SUSD1: variants seen among roughly 807,000 people sequenced by gnomAD.
The protein encoded by SUSD1 is sushi domain-containing protein 1.
In SUSD1, 65 loss-of-function variants were observed where a neutral mutation model predicts 86.9. The ratio of observed to expected loss-of-function variants is 0.75; its 90% CI spans 0.61 to 0.92. The LOEUF is 0.92. SUSD1 is among the 40% of genes least tolerant of loss of function. The pLI, the probability that SUSD1 is intolerant of heterozygous loss-of-function variation, is 0.00. For synonymous variants in SUSD1, 346 were observed against 350.0 expected (o/e 0.99, Z 0.13); for missense variants, 850 against 929.7 (o/e 0.91, Z 1.11).
At chr9:112,142,299 C>G (rs548755453) in intron 5 of SUSD1, 21 bp downstream of exon 5, 2 of 1,529,056 alleles carry the variant, frequency 1.3e-6, no homozygotes, top group African/African-American at 1.4e-5. Context: ...AATTGGGAAC[C>G]TGTATTTTTT....
At chr9:112,104,415 A>C (rs1589661010) in intron 8 of SUSD1, among the ~76,000 whole-genome samples, 1 of 152,158 alleles carries the variant, frequency 6.6e-6, no homozygotes, top group East Asian at 1.9e-4. Context: ...AGTAATAATA[A>C]TAATAATAGT....
chr9:112,154,101 C>G (rs534716901), intron 2 of SUSD1, among the ~76,000 whole-genome samples: 2 of 152,136 alleles, frequency 1.3e-5, no homozygotes, highest in South Asian at 4.2e-4. Context: ...GTTGTATATT[C>G]GGTCTATCAT....
At chr9:112,152,428 G>T (rs183929320) in intron 2 of SUSD1, among the ~76,000 whole-genome samples, 1 of 151,374 alleles carries the variant, frequency 6.6e-6, no homozygotes, top group Non-Finnish European at 1.5e-5. Flanking sequence ...TGGAGACAGG[G>T]TCTTGCTCTG....
chr9:112,053,598 C>T (rs1828321395), intron 14 of SUSD1, among the ~76,000 whole-genome samples: 1 of 149,922 alleles, frequency 6.7e-6, no homozygotes, highest in African/African-American at 2.5e-5. Flanking sequence ...TGCTTTGATG[C>T]TAAGTGCAGA....
intron 15 of SUSD1, among the ~76,000 whole-genome samples, chr9:112,045,508 T>TTGTTGAAGTCTATAAAATTC (rs11269147): frequency 6.6e-6 from 1 of 152,054 alleles, no homozygotes; most frequent in East Asian, 1.9e-4. Flanking sequence ...ACATTATTGT[T>TTGTTGAAGTCTATAAAATTC]ATTATGCGTG....
At chr9:112,074,371 C>T (rs941269338) in intron 12 of SUSD1, among the ~76,000 whole-genome samples, 1 of 152,118 alleles carries the variant, frequency 6.6e-6, no homozygotes, top group African/African-American at 2.4e-5. Context: ...TTCAATGTGC[C>T]GTCTGCAGCC....
intron 7 of SUSD1, 149 bp from the exon 8 acceptor site, chr9:112,111,989 A>C: frequency 4.1e-6 from 3 of 738,240 alleles, no homozygotes; most frequent in Non-Finnish European, 6.5e-6. Context: ...GTCTGCTGAT[A>C]AAGTCTGATC....
intron 9 of SUSD1, among the ~76,000 whole-genome samples, chr9:112,100,386 C>T (rs1470548637): frequency 1.3e-5 from 2 of 151,812 alleles, no homozygotes; most frequent in Non-Finnish European, 2.9e-5. Flanking sequence ...TGGGGTTTCA[C>T]CGTGTTAGCC....
At chr9:112,094,165 T>C (rs116103573) in intron 10 of SUSD1, among the ~76,000 whole-genome samples, 596 of 152,228 alleles carry the variant, frequency 3.9e-3, no homozygotes, top group African/African-American at 0.013. Flanking sequence ...TTTCATAAGC[T>C]CTCCAGGTAA....
At chr9:112,133,050 T>C (rs1183766380) in intron 5 of SUSD1, among the ~76,000 whole-genome samples, 1 of 152,192 alleles carries the variant, frequency 6.6e-6, no homozygotes, top group Non-Finnish European at 1.5e-5. Flanking sequence ...GGCCAAGGCA[T>C]GAGGATCACT....
At position 112,092,456 on chromosome 9, in the gene SUSD1, G is replaced by A. The variant is rs183362316; in HGVS notation, c.1474+6014C>T. On this transcript the variant is annotated intron_variant, in intron 10 of 16. Coordinates refer to ENST00000374270, the MANE Select transcript of SUSD1 (RefSeq NM_022486.5). ...TTGTGCTTCTGAAAAACACTGCTTC[G>A]TTGTAACATTATGGACAATGCAATG... 5.9e-5 allele frequency among the ~76,000 whole-genome samples: 9 copies of A among 152,320 alleles called. No homozygotes were observed. The East Asian group carries it at 1.2e-3, about 20-fold the overall frequency.
At chr9:112,139,993 A>C (rs1832486653) in intron 5 of SUSD1, among the ~76,000 whole-genome samples, 1 of 152,194 alleles carries the variant, frequency 6.6e-6, no homozygotes, top group Non-Finnish European at 1.5e-5. Flanking sequence ...TGGGAGGCAG[A>C]GACAGGCAGA....
Position 112,041,271 on chromosome 9 carries a change from A to G in SUSD1, c.*221T>C. On this transcript the variant is annotated 3_prime_UTR_variant, in exon 17 of 17. Transcript: ENST00000374270. ...CATTGCACAGAACTGGTCCTGTAGC[A>G]GGGAAGACTCAGAATTCCTGAGTTT... 1 of 617,414 alleles carries G rather than the reference A, an allele frequency of 1.6e-6. No homozygotes were observed. Among genetic ancestry groups the G allele is most frequent in the Non-Finnish European group, 2.9e-6 (1 of 346,708 alleles). The allele number at this position is 617,414 out of a possible 1,614,324, so 38.2% of individuals were successfully genotyped here.
intron 12 of SUSD1, among the ~76,000 whole-genome samples, chr9:112,065,492 T>C (rs1233922247): frequency 6.6e-6 from 1 of 152,186 alleles, no homozygotes; most frequent in Non-Finnish European, 1.5e-5. Flanking sequence ...GCCACTGCAC[T>C]CCAGCCTGGG....
At chr9:112,053,489 G>A (rs953743637) in intron 14 of SUSD1, among the ~76,000 whole-genome samples, 5 of 137,508 alleles carry the variant, frequency 3.6e-5, no homozygotes, top group African/African-American at 1.5e-4. Flanking sequence ...ACTCCAGCCT[G>A]GGCAACAGAA....
intron 5 of SUSD1, among the ~76,000 whole-genome samples, chr9:112,126,456 A>G (rs1454460607): frequency 6.6e-6 from 1 of 152,222 alleles, no homozygotes. Context: ...TTTAAAAAAA[A>G]ATTAATACCA....
At chr9:112,163,346 T>C (rs1433646888) in intron 1 of SUSD1, among the ~76,000 whole-genome samples, 2 of 152,064 alleles carry the variant, frequency 1.3e-5, no homozygotes, top group East Asian at 1.9e-4. Flanking sequence ...TTATTTACTT[T>C]TTTAGAGACA....
At chr9:112,146,998 C>G (rs1419969999) in intron 3 of SUSD1, among the ~76,000 whole-genome samples, 2 of 152,130 alleles carry the variant, frequency 1.3e-5, no homozygotes, top group Non-Finnish European at 2.9e-5. Context: ...GATAAATATA[C>G]AGTTGTAAGT....
chr9:112,107,739 G>T (rs1251538771), intron 8 of SUSD1, among the ~76,000 whole-genome samples: 1 of 152,082 alleles, frequency 6.6e-6, no homozygotes, highest in Non-Finnish European at 1.5e-5. Context: ...GCTAAAATAA[G>T]CCATTTGTTA....
Sources: allele counts gnomAD v4.1 joint callset (sites outside exome capture counted in the v4.1 genomes callset), GRCh38; gene constraint gnomAD v4.1.1; transcripts MANE v1.5; gene names NCBI Gene and HGNC (gene_info 2026-07-23, HGNC 2026-07-21).